VPS26C: variants seen among roughly 807,000 people sequenced by gnomAD.
VPS26C encodes vacuolar protein sorting-associated protein 26C.
A neutral mutation model predicts 30.6 loss-of-function variants in VPS26C; 19 were observed. The ratio of observed to expected loss-of-function variants is 0.62; its 90% CI spans 0.43 to 0.91. VPS26C has a LOEUF of 0.91. Among genes scored for constraint, VPS26C ranks in the 40% least tolerant of loss-of-function variants. The pLI is 0.00. For missense variants in VPS26C, 318 were observed against 385.1 expected (o/e 0.83, Z 1.46); for synonymous variants, 132 against 151.5 (o/e 0.87, Z 0.95).
chr21:37,245,412 C>T (rs1274971788), intron 1 of VPS26C, among the ~76,000 whole-genome samples: 3 of 152,200 alleles, frequency 2.0e-5, no homozygotes, highest in Non-Finnish European at 4.4e-5. Flanking sequence ...GAGGCCTGCA[C>T]ATTCCAGCCT....
chr21:37,266,898 C>A (rs2086368290), intron 1 of VPS26C: 2 of 400,312 alleles, frequency 5.0e-6, no homozygotes, highest in Non-Finnish European at 9.0e-6. Flanking sequence ...CCGCCCTCAG[C>A]GCTCACTGAG....
chr21:37,266,072 C>T (rs2086358032), intron 1 of VPS26C, among the ~76,000 whole-genome samples: 1 of 151,954 alleles, frequency 6.6e-6, no homozygotes, highest in Admixed American at 6.6e-5. Context: ...CGTCCGCCAC[C>T]ACGCCCGGTT....
intron 1 of VPS26C, 29 bp downstream of exon 1, chr21:37,267,209 C>CCCCCG: frequency 9.7e-7 from 1 of 1,025,900 alleles, no homozygotes; most frequent in African/African-American, 1.6e-5. Flanking sequence ...CCAACCCCAC[C>CCCCCG]TCCATCCCCA....
chr21:37,228,165 G>A lies in VPS26C; in HGVS notation c.658+58C>T, dbSNP rs370902627. On this transcript the variant is annotated intron_variant, in intron 6 of 7. Coordinates refer to ENST00000309117, the MANE Select transcript of VPS26C (RefSeq NM_006052.2). ...CCCAGCATCCTCTTAACCATGGAAC[G>A]TGAGGGTGGCAGTCGAGGGGGACAG... 1.8e-5 allele frequency: 28 copies of A among 1,582,730 alleles called. 1 individual carries two copies. The East Asian group carries it at 2.2e-4, about 13-fold the overall frequency.
intron 7 of VPS26C, 177 bp from the exon 8 acceptor site, chr21:37,225,803 G>T: frequency 1.6e-6 from 1 of 612,394 alleles, no homozygotes; most frequent in Non-Finnish European, 3.0e-6. Context: ...CAGTGGAGAT[G>T]ACTATGCTGA....
At chr21:37,264,658 A>G (rs187261398) in intron 1 of VPS26C, among the ~76,000 whole-genome samples, 6 of 152,320 alleles carry the variant, frequency 3.9e-5, no homozygotes, top group African/African-American at 1.4e-4. Flanking sequence ...AAGTTACGAG[A>G]ATACAAAGTA....
chr21:37,248,339 G>T, intron 1 of VPS26C, among the ~76,000 whole-genome samples: 1 of 69,264 alleles, frequency 1.4e-5, no homozygotes, highest in East Asian at 6.3e-4. Flanking sequence ...TCTTCTGGGG[G>T]TGGGGGGAGG....
At chr21:37,228,523 G>A in intron 5 of VPS26C, 150 bp from the exon 6 acceptor site, 1 of 766,232 alleles carries the variant, frequency 1.3e-6, no homozygotes. Context: ...AAGGAGCGAA[G>A]TACTGACGTC....
Position 37,267,078 on chromosome 21 carries a change from G to C in VPS26C, c.57+160C>G, listed in dbSNP as rs1039088764. 8 of 715,540 alleles carry C rather than the reference G, an allele frequency of 1.1e-5. No homozygotes were observed. The African/African-American group carries it at 1.4e-4, about 13-fold the overall frequency. The allele number at this position is 715,540 out of a possible 1,614,324, so 44.3% of individuals were successfully genotyped here. On this transcript the variant is annotated intron_variant, in intron 1 of 7. Transcript: ENST00000309117. The stretch of plus-strand genomic sequence containing the variant: ...GCCTCGCGCGGGAAGCACCTGGCGG[G>C]GACGCACCTGGCGGGAACGCACCCA...
At chr21:37,244,958 AG>A in intron 1 of VPS26C, among the ~76,000 whole-genome samples, 1 of 152,324 alleles carries the variant, frequency 6.6e-6, no homozygotes, top group Non-Finnish European at 1.5e-5. Flanking sequence ...GGAGACAATG[AG>A]CCCCTCTGCA....
intron 1 of VPS26C, among the ~76,000 whole-genome samples, chr21:37,259,788 T>C (rs1478568487): frequency 6.6e-6 from 1 of 152,142 alleles, no homozygotes; most frequent in Non-Finnish European, 1.5e-5. Context: ...GGGCACATAT[T>C]TGACAATCTG....
At chr21:37,241,303 G>A (rs935450996) in intron 1 of VPS26C, among the ~76,000 whole-genome samples, 4 of 152,094 alleles carry the variant, frequency 2.6e-5, no homozygotes, top group Non-Finnish European at 4.4e-5. Context: ...ACACATCATC[G>A]AGAGACTTCA....
intron 1 of VPS26C, among the ~76,000 whole-genome samples, chr21:37,248,412 A>G (rs963956935): frequency 2.0e-5 from 3 of 152,164 alleles, no homozygotes; most frequent in African/African-American, 7.2e-5. Flanking sequence ...TATCCAAAAT[A>G]AGAAATAAGA....
In VPS26C at chr21:37,257,259, T is replaced by A. The variant is rs1285572167; in HGVS notation, c.57+9979A>T. ...ATGTTCTGGAAAAAGTAAAAAAGGA[T>A]CAGGATCTGAGGTCAACTGACCTCT... On this transcript the variant is annotated intron_variant, in intron 1 of 7. Coordinates refer to ENST00000309117, the MANE Select transcript of VPS26C (RefSeq NM_006052.2). This position sits in a 1 kb window ranked among gnomAD's most constrained non-coding sequence, Gnocchi z 4.2. Among the ~76,000 whole-genome samples the A allele has an allele frequency of 6.6e-6, 1 of 152,168 alleles. No individual in the cohort carries two copies. Among genetic ancestry groups the A allele is most frequent in the African/African-American group, 2.4e-5 (1 of 41,432 alleles).
intron 3 of VPS26C, chr21:37,238,197 G>A (rs530821676): frequency 3.2e-5 from 14 of 438,028 alleles, no homozygotes; most frequent in Non-Finnish European, 5.3e-5. Context: ...TACAATGTGA[G>A]GTGGCCTGAA....
chr21:37,237,996 G>A lies in VPS26C; in HGVS notation c.351+464C>T, dbSNP rs143725257. ...TCAAAGACGTCCCTTAACCAGCAGA[G>A]GTAGACAGGAAGTCATAATCCACTT... On this transcript the variant is annotated intron_variant, in intron 3 of 7. Transcript: ENST00000309117. Among the ~76,000 whole-genome samples the A allele has an allele frequency of 6.6e-5, 10 of 152,296 alleles. No homozygotes were observed. The East Asian group carries it at 1.9e-3, about 29-fold the overall frequency.
intron 5 of VPS26C, 64 bp downstream of exon 5, chr21:37,232,313 C>G: frequency 7.1e-7 from 1 of 1,408,270 alleles, no homozygotes; most frequent in Middle Eastern, 1.9e-4. Context: ...CGGGCAATAG[C>G]TAGTCCGTGG....
chr21:37,240,242 C>T (rs556810130), intron 2 of VPS26C, among the ~76,000 whole-genome samples: 2 of 152,216 alleles, frequency 1.3e-5, no homozygotes, highest in East Asian at 1.9e-4. Flanking sequence ...CCTGCCTCAG[C>T]CTCCTGAGTA....
Position 37,232,415 on chromosome 21 carries a change from A to T in VPS26C, c.469T>A (p.Phe157Ile). 6.2e-7 allele frequency: 1 copy of T among 1,614,248 alleles called. No individual in the cohort carries two copies. Among genetic ancestry groups the T allele is most frequent in the Non-Finnish European group, 8.5e-7 (1 of 1,180,044 alleles). Residue 157 changes from phenylalanine (F) to isoleucine (I), a missense_variant, in exon 5 of 8, where the codon TTC becomes ATC. Physicochemically the swap from Phe to Ile is conservative, Grantham distance 21 (BLOSUM62 0). Coordinates refer to ENST00000309117, the MANE Select transcript of VPS26C (RefSeq NM_006052.2). ...KGKFTPSPVD[F>I]TITPETLQNV... is the part of the protein sequence containing the mutation. Reference sequence around the variant, plus strand: ...TGTAAGGTTTCAGGTGTAATCGTGAAGTCCACGGGACTGGGAGTAAACTTC... The same window carrying T: ...TGTAAGGTTTCAGGTGTAATCGTGATGTCCACGGGACTGGGAGTAAACTTC...
Sources: gnomAD v4.1 joint callset for allele counts (sites outside exome capture counted in the v4.1 genomes callset) on GRCh38, gnomAD v4.1.1 for gene constraint, Gnocchi (gnomAD v3.1) non-coding constraint, MANE v1.5 for transcripts, NCBI Gene and HGNC (gene_info 2026-07-23, HGNC 2026-07-21) for gene names.